Variants in SLC9A9 observed in about 807,000 individuals in gnomAD.
The protein encoded by SLC9A9 is sodium/hydrogen exchanger 9.
A neutral mutation model predicts 77.8 loss-of-function variants in SLC9A9; 62 were observed. The ratio of observed to expected loss-of-function variants is 0.80; its 90% CI spans 0.65 to 0.98. The LOEUF (loss-of-function observed/expected upper bound fraction) is 0.98, where lower values mean the gene tolerates loss of function less well. Ranked by LOEUF, SLC9A9 falls within the 50% of genes least tolerant of loss-of-function variation. The probability of loss-of-function intolerance (pLI) is 0.00; values close to 1 mark genes in which losing one functional copy is unlikely to be tolerated. For synonymous variants in SLC9A9, 320 were observed against 283.5 expected (o/e 1.13, Z -1.29); for missense variants, 775 against 774.9 (o/e 1.00, Z 0.00).
intron 6 of SLC9A9, among the ~76,000 whole-genome samples, chr3:143,647,773 A>C (rs1300422149): frequency 6.6e-6 from 1 of 152,080 alleles, no homozygotes; most frequent in African/African-American, 2.4e-5. Context: ...CTTAACTTCC[A>C]CAAGTAATAT....
At chr3:143,457,405 A>G (rs1273792777) in intron 12 of SLC9A9, among the ~76,000 whole-genome samples, 1 of 152,106 alleles carries the variant, frequency 6.6e-6, no homozygotes, top group East Asian at 1.9e-4. Context: ...GCTCTTTTCA[A>G]AGAACCAGGT....
rs1337657878 is a variant in SLC9A9, at chr3:143,266,123, T to C, written c.*579A>G. 1.4e-6 allele frequency: 1 copy of C among 702,044 alleles called. No individual in the cohort carries two copies. Among genetic ancestry groups the C allele is most frequent in the African/African-American group, 1.7e-5 (1 of 57,210 alleles). 43.5% of individuals were successfully genotyped at this position (702,044 alleles called of 1,614,324 possible). A position where few individuals can be genotyped will look rare whatever the true frequency, so the allele number is the denominator to read the frequency against. On this transcript the variant is annotated 3_prime_UTR_variant, in exon 16 of 16. Coordinates refer to ENST00000316549, the MANE Select transcript of SLC9A9 (RefSeq NM_173653.4). The stretch of plus-strand genomic sequence containing the variant: ...GGATGCCAAGAAGAACAATAGGTTC[T>C]TCAACTCAGTGTGGGCTCTGGGAAA...
At chr3:143,542,270 C>A (rs991710082) in intron 9 of SLC9A9, among the ~76,000 whole-genome samples, 1 of 152,024 alleles carries the variant, frequency 6.6e-6, no homozygotes, top group Non-Finnish European at 1.5e-5. Context: ...TAAATTCAAC[C>A]CTTCTAGGAT....
At chr3:143,820,709 G>A (rs2009143826) in intron 2 of SLC9A9, among the ~76,000 whole-genome samples, 1 of 152,142 alleles carries the variant, frequency 6.6e-6, no homozygotes, top group South Asian at 2.1e-4. Flanking sequence ...GTCTCACCAA[G>A]AGCTACTCAT....
chr3:143,778,321 T>C (rs2007764288), intron 4 of SLC9A9, among the ~76,000 whole-genome samples: 1 of 152,168 alleles, frequency 6.6e-6, no homozygotes, highest in Non-Finnish European at 1.5e-5. Flanking sequence ...CCTAACTAAA[T>C]TGTCTGAAGT....
At chr3:143,807,843 C>G (rs1868183) in intron 2 of SLC9A9, among the ~76,000 whole-genome samples, 91,089 of 152,192 alleles carry the variant, frequency 0.6, 29,907 homozygotes, top group African/African-American at 0.86. Context: ...ATAGCATGGG[C>G]AGATGGGGTT....
chr3:143,329,799 C>T (rs758635589), intron 14 of SLC9A9, among the ~76,000 whole-genome samples: 6 of 152,276 alleles, frequency 3.9e-5, no homozygotes, highest in Admixed American at 1.3e-4. Flanking sequence ...CCCCAGGCCA[C>T]GTGAGCCTCG....
At chr3:143,593,427 G>T (rs901434311) in intron 6 of SLC9A9, among the ~76,000 whole-genome samples, 3 of 152,210 alleles carry the variant, frequency 2.0e-5, no homozygotes, top group African/African-American at 7.2e-5. Context: ...ACAAAAGGTA[G>T]AATTTAATAA....
Position 143,611,759 on chromosome 3 carries a change from G to A in SLC9A9, c.756-33036C>T, listed in dbSNP as rs576002339. Among the ~76,000 whole-genome samples the A allele has an allele frequency of 2.6e-4, 39 of 151,936 alleles. No individual in the cohort carries two copies. The East Asian group carries it at 5.8e-3, about 23-fold the overall frequency. On this transcript the variant is annotated intron_variant, in intron 6 of 15. Transcript: ENST00000316549. ...AAGAACCCCCTTATTTTTGAGACAG[G>A]GTCTCACTCTGTCACTCAAGTTGGA...
intron 12 of SLC9A9, among the ~76,000 whole-genome samples, chr3:143,433,710 C>T (rs1163663560): frequency 6.6e-6 from 1 of 152,162 alleles, no homozygotes; most frequent in African/African-American, 2.4e-5. Flanking sequence ...ATGTTCTATT[C>T]GTGTTTCTAT....
At chr3:143,831,609 T>A (rs1428541727) in intron 2 of SLC9A9, among the ~76,000 whole-genome samples, 1 of 152,212 alleles carries the variant, frequency 6.6e-6, no homozygotes, top group Non-Finnish European at 1.5e-5. Context: ...AATGTTTTTA[T>A]TCTACTCCAT....
At chr3:143,593,545 T>C (rs981944203) in intron 6 of SLC9A9, among the ~76,000 whole-genome samples, 1 of 151,900 alleles carries the variant, frequency 6.6e-6, no homozygotes, top group East Asian at 1.9e-4. Context: ...GGGCCATTGT[T>C]AGGAAACATG....
At chr3:143,733,797 A>G (rs1367056618) in intron 4 of SLC9A9, among the ~76,000 whole-genome samples, 1 of 152,120 alleles carries the variant, frequency 6.6e-6, no homozygotes, top group Non-Finnish European at 1.5e-5. Context: ...GAGAGAGCAC[A>G]TGCCCCCACT....
At chr3:143,475,435 G>A (rs2035458073) in intron 11 of SLC9A9, among the ~76,000 whole-genome samples, 1 of 152,118 alleles carries the variant, frequency 6.6e-6, no homozygotes, top group Admixed American at 6.5e-5. Flanking sequence ...TAGGGTAGGT[G>A]CTCTGCAAGC....
At chr3:143,458,634 AT>A (rs1443123671) in intron 12 of SLC9A9, among the ~76,000 whole-genome samples, 1 of 152,074 alleles carries the variant, frequency 6.6e-6, no homozygotes, top group African/African-American at 2.4e-5. Context: ...CAGTATGAGT[AT>A]ATAATTTTTT....
intron 6 of SLC9A9, among the ~76,000 whole-genome samples, chr3:143,624,001 A>T (rs574973341): frequency 0.011 from 1,681 of 152,348 alleles, 30 homozygotes; most frequent in African/African-American, 0.038. Context: ...ATGCAAATAA[A>T]CTAGAAAATC....
chr3:143,506,955 A>C (rs1419007296), intron 9 of SLC9A9, among the ~76,000 whole-genome samples: 3 of 152,156 alleles, frequency 2.0e-5, no homozygotes, highest in Non-Finnish European at 2.9e-5. Context: ...TGATATTAAT[A>C]TTAGGTACTG....
intron 14 of SLC9A9, among the ~76,000 whole-genome samples, chr3:143,302,236 T>G (rs1195757626): frequency 6.6e-6 from 1 of 152,220 alleles, no homozygotes; most frequent in African/African-American, 2.4e-5. Flanking sequence ...AGCCCCCATT[T>G]CCTCTGGATG....
chr3:143,470,192 G>A (rs913354216), intron 11 of SLC9A9, among the ~76,000 whole-genome samples: 13 of 152,036 alleles, frequency 8.6e-5, no homozygotes, highest in Admixed American at 4.6e-4. Flanking sequence ...TGAACTTTCC[G>A]GCTGGGGGAG....
Sources: allele counts gnomAD v4.1 joint callset (sites outside exome capture counted in the v4.1 genomes callset), GRCh38; gene constraint gnomAD v4.1.1; transcripts MANE v1.5; gene names NCBI Gene and HGNC (gene_info 2026-07-23, HGNC 2026-07-21).